NAALADL2: variants seen among roughly 807,000 people sequenced by gnomAD.
The protein encoded by NAALADL2 is N-acetylated alpha-linked acidic dipeptidase like 2.
A neutral mutation model predicts 87.2 loss-of-function variants in NAALADL2; 76 were observed. The ratio of observed to expected loss-of-function variants is 0.87; its 90% confidence interval spans 0.72 to 1.05. The LOEUF (loss-of-function observed/expected upper bound fraction) is 1.05. Among genes scored for constraint, NAALADL2 ranks in the 50% least tolerant of loss-of-function variants. The probability of loss-of-function intolerance (pLI) is 0.00; values close to 1 mark genes in which losing one functional copy is unlikely to be tolerated. For synonymous variants in NAALADL2, 354 were observed against 331.0 expected (o/e 1.07, Z -0.75); for missense variants, 1,089 against 945.8 (o/e 1.15, Z -1.99).
chr3:175,489,609 C>T (rs1406054039), intron 9 of NAALADL2, among the ~76,000 whole-genome samples: 1 of 152,154 alleles, frequency 6.6e-6, no homozygotes, highest in African/African-American at 2.4e-5. Context: ...AAGTAAAACT[C>T]ATTACCATAG....
chr3:175,673,736 T>C (rs1734316271), intron 11 of NAALADL2, among the ~76,000 whole-genome samples: 1 of 152,060 alleles, frequency 6.6e-6, no homozygotes, highest in Non-Finnish European at 1.5e-5. Flanking sequence ...TACCTTCTGA[T>C]AGATTCTCAC....
chr3:174,524,180 T>G (rs938509740), intron 1 of NAALADL2, among the ~76,000 whole-genome samples: 2 of 152,236 alleles, frequency 1.3e-5, no homozygotes, highest in Non-Finnish European at 2.9e-5. Context: ...TAAAGTATGA[T>G]TGCCACTACC....
intron 1 of NAALADL2, among the ~76,000 whole-genome samples, chr3:174,935,889 A>C (rs1412484981): frequency 6.6e-6 from 1 of 152,168 alleles, no homozygotes; most frequent in Non-Finnish European, 1.5e-5. Flanking sequence ...CAAACTTTAA[A>C]AAATAAAGAT....
chr3:174,686,807 A>G (rs968735228), intron 2 of NAALADL2, among the ~76,000 whole-genome samples: 1 of 152,096 alleles, frequency 6.6e-6, no homozygotes, highest in African/African-American at 2.4e-5. Flanking sequence ...TGGATTAAAG[A>G]CTTAATTATA....
At chr3:174,575,088 C>G (rs1215079192) in intron 2 of NAALADL2, among the ~76,000 whole-genome samples, 1 of 151,862 alleles carries the variant, frequency 6.6e-6, no homozygotes, top group Non-Finnish European at 1.5e-5. Context: ...AAGAAACTGA[C>G]AATGGTTTTA....
intron 2 of NAALADL2, among the ~76,000 whole-genome samples, chr3:175,135,322 T>C (rs1728938662): frequency 6.6e-6 from 1 of 152,178 alleles, no homozygotes; most frequent in Admixed American, 6.6e-5. Context: ...TTCATTGTGT[T>C]GGGAAGATGA....
intron 3 of NAALADL2, among the ~76,000 whole-genome samples, chr3:174,832,600 T>A (rs1395411603): frequency 6.6e-6 from 1 of 152,144 alleles, no homozygotes; most frequent in East Asian, 1.9e-4. Flanking sequence ...TAGCTGAGAC[T>A]ACAGGTGGCT....
At chr3:175,205,665 C>T (rs944726811) in intron 2 of NAALADL2, among the ~76,000 whole-genome samples, 7 of 152,020 alleles carry the variant, frequency 4.6e-5, no homozygotes, top group African/African-American at 7.2e-5. Context: ...AGACAACCCA[C>T]AGATTGGGAG....
At chr3:174,922,424 A>G (rs1333924873) in intron 1 of NAALADL2, among the ~76,000 whole-genome samples, 3 of 152,078 alleles carry the variant, frequency 2.0e-5, no homozygotes, top group African/African-American at 7.2e-5. Context: ...ATATCACTCA[A>G]TCTGCTTCCT....
At chr3:174,548,260 G>A (rs1031353148) in intron 1 of NAALADL2, among the ~76,000 whole-genome samples, 3 of 152,054 alleles carry the variant, frequency 2.0e-5, no homozygotes, top group Admixed American at 6.6e-5. Flanking sequence ...TAAACATTAT[G>A]TTTTTAAAGG....
At chr3:175,392,815 T>A (rs1466809687) in intron 5 of NAALADL2, among the ~76,000 whole-genome samples, 1 of 152,154 alleles carries the variant, frequency 6.6e-6, no homozygotes. Context: ...ACCCAAATTC[T>A]TACAGCTTGA....
intron 2 of NAALADL2, among the ~76,000 whole-genome samples, chr3:174,655,319 C>T (rs559385698): frequency 1.2e-4 from 18 of 151,034 alleles, no homozygotes; most frequent in African/African-American, 4.4e-4. Context: ...AATATGTATC[C>T]TCTCAAAGAT....
At chr3:175,082,908 T>C (rs1193476895) in intron 1 of NAALADL2, among the ~76,000 whole-genome samples, 1 of 152,186 alleles carries the variant, frequency 6.6e-6, no homozygotes, top group African/African-American at 2.4e-5. Flanking sequence ...CATAGCTAAA[T>C]GGATTTTTCT....
At chr3:175,063,670 G>A (rs183639930) in intron 1 of NAALADL2, among the ~76,000 whole-genome samples, 9 of 151,852 alleles carry the variant, frequency 5.9e-5, no homozygotes, top group African/African-American at 2.2e-4. Context: ...TTTTTATAGA[G>A]ATGGATCTCC....
chr3:175,006,323 A>G (rs1749012819), intron 1 of NAALADL2, among the ~76,000 whole-genome samples: 1 of 152,144 alleles, frequency 6.6e-6, no homozygotes, highest in Non-Finnish European at 1.5e-5. Context: ...CTTTGTAAGT[A>G]ATTCTTGTTT....
rs1275519632 is a variant in NAALADL2, at chr3:174,457,810, C to CA, written c.-184+16785dup. Among the ~76,000 whole-genome samples, 4 of 139,278 alleles carry CA rather than the reference C, an allele frequency of 2.9e-5. No homozygotes were observed. In the East Asian group the frequency reaches 8.1e-4, roughly 28 times the overall value. 91.4% of individuals were successfully genotyped at this position (139,278 alleles called of 152,430 possible). ...TGGGTGACAGGGTGAGACTCCGTCT[C>CA]AAAAAAACAAAAAAAAAAAGAGGTC... On this transcript the variant is annotated intron_variant, in intron 1 of 3. Transcript: ENST00000434257.
intron 1 of NAALADL2, among the ~76,000 whole-genome samples, chr3:175,066,460 G>T (rs1050351584): frequency 2.0e-5 from 3 of 152,036 alleles, no homozygotes; most frequent in Non-Finnish European, 4.4e-5. Flanking sequence ...CCAGCACCTT[G>T]CACTGAGACT....
rs184457115 is a variant in NAALADL2 at position 174,769,476 on chromosome 3, G to A, written c.-9+31730G>A. Among the ~76,000 whole-genome samples the A allele has an allele frequency of 3.8e-3, 572 of 151,962 alleles. 4 individuals are homozygous for A. The highest frequency in any genetic ancestry group is 0.013 in the African/African-American group (551 of 41,542). On this transcript the variant is annotated intron_variant, in intron 3 of 3. Transcript: ENST00000434257. ...ATTTAAGTAATTATTAGCATACCTAGTAATCTTTTTTCCTTACTATTACAA... is the reference window on the plus strand; with the variant it reads ...ATTTAAGTAATTATTAGCATACCTAATAATCTTTTTTCCTTACTATTACAA...
intron 2 of NAALADL2, among the ~76,000 whole-genome samples, chr3:175,220,220 G>A (rs1301179862): frequency 6.6e-6 from 1 of 151,734 alleles, no homozygotes; most frequent in East Asian, 1.9e-4. Flanking sequence ...TGATGTCAAA[G>A]TTTTGTTGCC....
Sources: gnomAD v4.1 joint callset for allele counts (sites outside exome capture counted in the v4.1 genomes callset) on GRCh38, gnomAD v4.1.1 for gene constraint, MANE v1.5 for transcripts, NCBI Gene and HGNC (gene_info 2026-07-23, HGNC 2026-07-21) for gene names.